The following LIMS1 variants were observed in gnomAD, a reference collection of about 807,000 sequenced individuals.
The protein encoded by LIMS1 is LIM zinc finger domain containing 1, also known as LIM and senescent cell antigen-like-containing domain protein 1.
In LIMS1, 18 loss-of-function variants were observed where a neutral mutation model predicts 44.1. The ratio of observed to expected loss-of-function variants is 0.41; its 90% CI spans 0.28 to 0.61. LIMS1 has a LOEUF of 0.61. Among genes scored for constraint, LIMS1 ranks in the 20% least tolerant of loss-of-function variants. The probability of loss-of-function intolerance (pLI) is 0.32; values close to 1 mark genes in which losing one functional copy is unlikely to be tolerated. For missense variants in LIMS1, 201 were observed against 422.0 expected (o/e 0.48, Z 4.59); for synonymous variants, 93 against 149.1 (o/e 0.62, Z 2.74).
At chr2:108,632,456 G>A (rs1688986406) in intron 1 of LIMS1, among the ~76,000 whole-genome samples, 2 of 152,324 alleles carry the variant, frequency 1.3e-5, no homozygotes, top group Admixed American at 6.5e-5. Flanking sequence ...GGGTCCAGGT[G>A]TCTCAAGGTC....
At chr2:108,576,053 G>A (rs1302933379) in intron 1 of LIMS1, among the ~76,000 whole-genome samples, 2 of 152,202 alleles carry the variant, frequency 1.3e-5, no homozygotes, top group Non-Finnish European at 2.9e-5. Context: ...TGGAAGTAGT[G>A]ACAGAGACTT....
At chr2:108,616,448 C>T (rs943646658) in intron 1 of LIMS1, among the ~76,000 whole-genome samples, 10 of 152,108 alleles carry the variant, frequency 6.6e-5, no homozygotes, top group Middle Eastern at 3.2e-3. Flanking sequence ...TGGGCTCAAG[C>T]TGTCTGTTCA....
chr2:108,676,107 C>T, intron 6 of LIMS1, 79 bp downstream of exon 6: 1 of 1,471,490 alleles, frequency 6.8e-7, no homozygotes, highest in South Asian at 1.4e-5. Flanking sequence ...TCAGATCTCC[C>T]ATGATTCAGG....
chr2:108,570,750 C>A (rs1438911432), intron 1 of LIMS1, among the ~76,000 whole-genome samples: 1 of 152,086 alleles, frequency 6.6e-6, no homozygotes, highest in African/African-American at 2.4e-5. Flanking sequence ...TGGAGGTCCG[C>A]AGTGCTGAGA....
chr2:108,647,091 G>A (rs897418352), intron 1 of LIMS1, among the ~76,000 whole-genome samples: 4 of 152,106 alleles, frequency 2.6e-5, no homozygotes, highest in Non-Finnish European at 5.9e-5. Flanking sequence ...GAAGAAAAGA[G>A]AGAAGAATCA....
chr2:108,583,207 ATTTT>A (rs59274385), intron 1 of LIMS1, among the ~76,000 whole-genome samples: 1 of 139,742 alleles, frequency 7.2e-6, no homozygotes, highest in Non-Finnish European at 1.6e-5. Context: ...TAATGTTTGT[ATTTT>A]TTTTTTTTTT....
intron 9 of LIMS1, among the ~76,000 whole-genome samples, chr2:108,683,525 C>G (rs1214100247): frequency 8.9e-6 from 1 of 111,982 alleles, no homozygotes; most frequent in Non-Finnish European, 1.7e-5. Context: ...GAGTGACAGT[C>G]GAGGCTCTGT....
intron 1 of LIMS1, among the ~76,000 whole-genome samples, chr2:108,577,610 C>T (rs7559347): frequency 0.41 from 62,782 of 152,020 alleles, 14,892 homozygotes; most frequent in East Asian, 0.94. Context: ...CTTGCATTTG[C>T]TCAAAAGTTA....
chr2:108,674,631 G>C lies in LIMS1; in HGVS notation c.531-1247G>C, dbSNP rs1692388549. Among the ~76,000 whole-genome samples the C allele has an allele frequency of 1.4e-5, 2 of 144,230 alleles. 1 individual carries two copies. The highest frequency in any genetic ancestry group is 1.4e-4 in the Admixed American group (2 of 14,080). The allele number at this position is 144,230 out of a possible 152,430, so 94.6% of individuals were successfully genotyped here. A position where few individuals can be genotyped will look rare whatever the true frequency, so the allele number is the denominator to read the frequency against. ...AGCTACTCGGGAGGCTGAGGCAGGA[G>C]AATGGCATGAACCTGGGAGGTGGAG... is the stretch of plus-strand genomic sequence containing the variant. On this transcript the variant is annotated intron_variant, in intron 5 of 9. Transcript: ENST00000544547.
chr2:108,679,481 C>CA (rs1373143695), intron 8 of LIMS1, among the ~76,000 whole-genome samples: 2 of 151,294 alleles, frequency 1.3e-5, no homozygotes, highest in Non-Finnish European at 2.9e-5. Context: ...AACTTCGTCT[C>CA]AAAAAAAATA....
At chr2:108,612,862 C>T (rs1208695390) in intron 1 of LIMS1, among the ~76,000 whole-genome samples, 2 of 152,084 alleles carry the variant, frequency 1.3e-5, no homozygotes, top group East Asian at 3.8e-4. Context: ...TGTCATGCAC[C>T]CAGTTTCCCA....
chr2:108,546,515 A>C (rs970198666), intron 1 of LIMS1, among the ~76,000 whole-genome samples: 1 of 151,732 alleles, frequency 6.6e-6, no homozygotes, highest in Admixed American at 6.6e-5. Flanking sequence ...TGGCCTCTGC[A>C]CTTCTTGGAA....
intron 1 of LIMS1, among the ~76,000 whole-genome samples, chr2:108,646,142 G>A (rs12467880): frequency 0.44 from 66,447 of 151,800 alleles, 16,028 homozygotes; most frequent in East Asian, 0.95. Flanking sequence ...GACCAAGCGG[G>A]CCTAATAGAA....
chr2:108,676,022 T>C (rs928069347), exon 6 of LIMS1: 1 of 1,612,652 alleles, frequency 6.2e-7, no homozygotes, highest in East Asian at 2.2e-5. Context: ...AGCAGTGGCA[T>C]GTGGAGGTGA....
At chr2:108,560,967 G>A (rs1208705809) in intron 1 of LIMS1, among the ~76,000 whole-genome samples, 1 of 152,156 alleles carries the variant, frequency 6.6e-6, no homozygotes, top group Non-Finnish European at 1.5e-5. Flanking sequence ...CTAGCTCAAT[G>A]CTAATTGGTC....
chr2:108,568,952 C>T (rs149664425), intron 1 of LIMS1, among the ~76,000 whole-genome samples: 4,433 of 152,050 alleles, frequency 0.029, 144 homozygotes, highest in South Asian at 0.14. Flanking sequence ...AGTGCAGTGG[C>T]ACAATCTCAG....
At chr2:108,551,777 A>G (rs1349896854) in intron 1 of LIMS1, among the ~76,000 whole-genome samples, 1 of 146,320 alleles carries the variant, frequency 6.8e-6, no homozygotes, top group African/African-American at 2.5e-5. Flanking sequence ...TGTATATCAT[A>G]TACAATATAC....
chr2:108,551,923 GTA>G (rs201610301), intron 1 of LIMS1, among the ~76,000 whole-genome samples: 3,958 of 132,734 alleles, frequency 0.03, 185 homozygotes, highest in African/African-American at 0.1. Flanking sequence ...GTGTATATGT[GTA>G]TATATGTGTG....
At chr2:108,574,489 C>T (rs1035742077) in intron 1 of LIMS1, among the ~76,000 whole-genome samples, 1 of 152,160 alleles carries the variant, frequency 6.6e-6, no homozygotes, top group Non-Finnish European at 1.5e-5. Flanking sequence ...CCAAACCTTT[C>T]ACTCGAGGTC....
Sources: gnomAD v4.1 joint callset for allele counts (sites outside exome capture counted in the v4.1 genomes callset) on GRCh38, gnomAD v4.1.1 for gene constraint, MANE v1.5 for transcripts, NCBI Gene and HGNC (gene_info 2026-07-23, HGNC 2026-07-21) for gene names.